Variants in CSRNP3 observed in about 807,000 individuals in gnomAD.
CSRNP3 encodes cysteine and serine rich nuclear protein 3, also known as cysteine/serine-rich nuclear protein 3.
A neutral mutation model predicts 48.0 loss-of-function variants in CSRNP3; 12 were observed. The observed-to-expected ratio is 0.25, with a 90% confidence interval of 0.16 to 0.41. The LOEUF is 0.41. Ranked by LOEUF, CSRNP3 falls within the 10% of genes least tolerant of loss-of-function variation. The pLI, the probability that CSRNP3 is intolerant of heterozygous loss-of-function variation, is 1.00. For synonymous variants in CSRNP3, 263 were observed against 269.7 expected (o/e 0.98, Z 0.24); for missense variants, 580 against 724.4 (o/e 0.80, Z 2.29).
intron 5 of CSRNP3, among the ~76,000 whole-genome samples, chr2:165,666,658 AAG>A (rs1165463194): frequency 1.1e-5 from 1 of 89,406 alleles, no homozygotes; most frequent in Non-Finnish European, 2.3e-5. Flanking sequence ...AGAGGAAGAA[AAG>A]AGAGAGGAAG....
chr2:165,574,666 C>A (rs958790740), intron 3 of CSRNP3, among the ~76,000 whole-genome samples: 1 of 151,944 alleles, frequency 6.6e-6, no homozygotes, highest in African/African-American at 2.4e-5. Flanking sequence ...CTAAATAATT[C>A]CATTTCGGGG....
intron 5 of CSRNP3, among the ~76,000 whole-genome samples, chr2:165,661,785 G>A (rs181820818): frequency 2.0e-5 from 3 of 152,208 alleles, no homozygotes; most frequent in East Asian, 1.9e-4. Flanking sequence ...TGAATTGCCC[G>A]CTGAATAAGG....
rs1207975166 is a variant in CSRNP3, at chr2:165,687,036, C to G, written c.*7283C>G. 1 of 152,048 alleles carries G rather than the reference C, an allele frequency of 6.6e-6. No homozygotes were observed. The highest frequency in any genetic ancestry group is 1.5e-5 in the Non-Finnish European group (1 of 68,004). 9.4% of individuals were successfully genotyped at this position (152,048 alleles called of 1,614,324 possible). A position where few individuals can be genotyped will look rare whatever the true frequency, so the allele number is the denominator to read the frequency against. ...AGGGAAGGCAGTTTCCTTGGCAACA[C>G]AATTCAGCTCTCTTAGGTTTTCTCA... On this transcript the variant is annotated 3_prime_UTR_variant, in exon 7 of 7. Coordinates refer to ENST00000651982, the MANE Select transcript of CSRNP3 (RefSeq NM_001172173.2).
chr2:165,573,210 AG>A (rs1483843567), intron 3 of CSRNP3, among the ~76,000 whole-genome samples: 1 of 152,100 alleles, frequency 6.6e-6, no homozygotes, highest in Non-Finnish European at 1.5e-5. Flanking sequence ...CACATGAAAA[AG>A]ATTATTGCAC....
rs564680213 is a variant in CSRNP3 at position 165,554,324 on chromosome 2, A to T, written c.-24+36363A>T. 2.0e-5 allele frequency among the ~76,000 whole-genome samples: 3 copies of T among 152,306 alleles called. No individual in the cohort carries two copies. In the East Asian group the frequency reaches 5.8e-4, roughly 29 times the overall value. On this transcript the variant is annotated intron_variant, in intron 3 of 6. Transcript: ENST00000651982. Reference sequence around the variant, plus strand: ...TGCCTCTTTTTCCTACCTGGGCTTTAAATATTATCTGTTCACTGGAAAATT... The same window carrying T: ...TGCCTCTTTTTCCTACCTGGGCTTTTAATATTATCTGTTCACTGGAAAATT...
rs1259830006 is a variant in CSRNP3, at chr2:165,681,742, T to TATATATATATATATAC, written c.*2004_*2005insCATATATATATATATA. 5.5e-4 allele frequency: 48 copies of TATATATATATATATAC among 87,258 alleles called. No individual in the cohort carries two copies. The highest frequency in any genetic ancestry group is 1.1e-3 in the Non-Finnish European group (41 of 38,254). The allele number at this position is 87,258 out of a possible 1,614,324, so 5.4% of individuals were successfully genotyped here. On this transcript the variant is annotated 3_prime_UTR_variant, in exon 7 of 7. Coordinates refer to ENST00000651982, the MANE Select transcript of CSRNP3 (RefSeq NM_001172173.2). ...TCAAATATACATATATATATATATATATATATATATATATATATACACACA... is the reference window on the plus strand; with the variant it reads ...TCAAATATACATATATATATATATATATATATATATATATACATATATATATATATATATACACACA...
intron 3 of CSRNP3, among the ~76,000 whole-genome samples, chr2:165,552,194 A>G (rs1685106121): frequency 6.6e-6 from 1 of 152,236 alleles, no homozygotes; most frequent in Non-Finnish European, 1.5e-5. Flanking sequence ...GAAAGAGAAG[A>G]AAGCTGTTAG....
At chr2:165,605,987 T>C (rs1009765542) in intron 4 of CSRNP3, among the ~76,000 whole-genome samples, 6 of 151,976 alleles carry the variant, frequency 3.9e-5, no homozygotes, top group African/African-American at 1.4e-4. Context: ...GGAGGAGACA[T>C]TGCAAATGAG....
chr2:165,578,953 A>G (rs1421977368), intron 3 of CSRNP3, among the ~76,000 whole-genome samples: 1 of 152,100 alleles, frequency 6.6e-6, no homozygotes, highest in Middle Eastern at 3.2e-3. Flanking sequence ...CTTCATTGGG[A>G]AAGTGGTAAT....
At chr2:165,645,163 G>A (rs1307020255) in intron 4 of CSRNP3, among the ~76,000 whole-genome samples, 5 of 151,926 alleles carry the variant, frequency 3.3e-5, no homozygotes, top group African/African-American at 7.3e-5. Context: ...GTGAAACCCC[G>A]TCAATACTAA....
intron 5 of CSRNP3, among the ~76,000 whole-genome samples, chr2:165,668,275 C>G (rs1400461083): frequency 3.9e-5 from 6 of 152,118 alleles, no homozygotes; most frequent in Admixed American, 1.3e-4. Context: ...CCTCCACATG[C>G]CCAAAAAGTA....
At chr2:165,486,245 A>G (rs373428761) in intron 1 of CSRNP3, among the ~76,000 whole-genome samples, 2 of 152,218 alleles carry the variant, frequency 1.3e-5, no homozygotes, top group East Asian at 3.9e-4. Context: ...ACCGGCTTAA[A>G]AAACGGTGCA....
At chr2:165,499,988 C>G (rs1684334546) in intron 2 of CSRNP3, among the ~76,000 whole-genome samples, 1 of 150,116 alleles carries the variant, frequency 6.7e-6, no homozygotes, top group African/African-American at 2.5e-5. Context: ...ATATAGTGAA[C>G]TCTTAAGTCT....
chr2:165,638,881 A>C (rs1182201683), intron 4 of CSRNP3, among the ~76,000 whole-genome samples: 5 of 152,244 alleles, frequency 3.3e-5, no homozygotes, highest in African/African-American at 1.2e-4. Context: ...ATGTTCTATA[A>C]GGTTTCAGGG....
rs1687506971 is a variant in CSRNP3, at chr2:165,680,004, A to G, written c.*251A>G. The G allele has an allele frequency of 4.2e-6, 2 of 475,738 alleles. No homozygotes were observed. Among genetic ancestry groups the G allele is most frequent in the African/African-American group, 3.9e-5 (2 of 51,248 alleles). 29.5% of individuals were successfully genotyped at this position (475,738 alleles called of 1,614,324 possible). A position where few individuals can be genotyped will look rare whatever the true frequency, so the allele number is the denominator to read the frequency against. ...AGCTAAATTTTAAAATGCATATCTC[A>G]CAGTTGCCTACCTGTCAAACTGTGT... On this transcript the variant is annotated 3_prime_UTR_variant, in exon 7 of 7. Coordinates refer to ENST00000651982, the MANE Select transcript of CSRNP3 (RefSeq NM_001172173.2).
chr2:165,611,195 GA>G (rs1263588059), intron 4 of CSRNP3, among the ~76,000 whole-genome samples: 5 of 151,440 alleles, frequency 3.3e-5, no homozygotes, highest in Admixed American at 3.3e-4. Context: ...ATGGGATTAG[GA>G]AAAGAAAAAG....
chr2:165,635,484 G>A (rs957898869), intron 4 of CSRNP3, among the ~76,000 whole-genome samples: 4 of 152,140 alleles, frequency 2.6e-5, no homozygotes, highest in Admixed American at 1.3e-4. Flanking sequence ...GGCTAATCAG[G>A]TGCTTTAATA....
intron 2 of CSRNP3, among the ~76,000 whole-genome samples, chr2:165,499,487 G>A (rs1655839994): frequency 6.6e-6 from 1 of 152,118 alleles, no homozygotes; most frequent in Admixed American, 6.6e-5. Flanking sequence ...ACTCTGGGAA[G>A]TGCATGTTTG....
chr2:165,472,527 A>T (rs1683908923), intron 1 of CSRNP3, among the ~76,000 whole-genome samples: 2 of 151,980 alleles, frequency 1.3e-5, no homozygotes, highest in Non-Finnish European at 2.9e-5. Flanking sequence ...ATTCTACCCT[A>T]GGCAATTCCT....
Sources: gnomAD v4.1 joint callset for allele counts (sites outside exome capture counted in the v4.1 genomes callset) on GRCh38, gnomAD v4.1.1 for gene constraint, MANE v1.5 for transcripts, NCBI Gene and HGNC (gene_info 2026-07-23, HGNC 2026-07-21) for gene names.